NEIL2: variants seen among roughly 807,000 people sequenced by gnomAD.
NEIL2 encodes the protein endonuclease 8-like 2.
NEIL2 carries 23 observed loss-of-function variants against 22.2 expected under a neutral mutation model. That is an observed-to-expected ratio of 1.04 (90% CI 0.75 to 1.47). The LOEUF (loss-of-function observed/expected upper bound fraction) is 1.47. Ranked by LOEUF, NEIL2 falls within the 40% of genes most tolerant of loss-of-function variation. The pLI is 0.00. For missense variants in NEIL2, 583 were observed against 404.7 expected (o/e 1.44, Z -3.78); for synonymous variants, 229 against 164.8 (o/e 1.39, Z -2.99).
Position 11,783,514 on chromosome 8 carries a change from G to A in NEIL2, c.688+115G>A, listed in dbSNP as rs530091944. ...GTTGTGCCAGTGCTGTTGGTTTTGA[G>A]GTGCCACTTGCTCAATCTCCTTTCT... is the stretch of plus-strand genomic sequence containing the variant. On this transcript the variant is annotated intron_variant, in intron 4 of 4. Transcript: ENST00000284503. 158 of 824,708 alleles carry A rather than the reference G, an allele frequency of 1.9e-4. No homozygotes were observed. In the African/African-American group the frequency reaches 2.1e-3, roughly 11 times the overall value. 51.1% of individuals were successfully genotyped at this position (824,708 alleles called of 1,614,324 possible).
chr8:11,782,221 G>A (rs1044971719), intron 3 of NEIL2, among the ~76,000 whole-genome samples: 29 of 152,144 alleles, frequency 1.9e-4, no homozygotes, highest in African/African-American at 6.3e-4. Context: ...TCAGGAGTTC[G>A]AGACCAGCCT....
At chr8:11,772,078 C>T (rs907785467) in intron 2 of NEIL2, among the ~76,000 whole-genome samples, 1 of 152,148 alleles carries the variant, frequency 6.6e-6, no homozygotes, top group Non-Finnish European at 1.5e-5. Flanking sequence ...TGGTGGGCGC[C>T]TGTAATCCCA....
chr8:11,772,941 C>A lies in NEIL2; in HGVS notation c.138+1356C>A, dbSNP rs8191548. Among the ~76,000 whole-genome samples the A allele has an allele frequency of 7.2e-3, 1,091 of 152,258 alleles. 2 individuals are homozygous for A. Among genetic ancestry groups the A allele is most frequent in the Non-Finnish European group, 9.9e-3 (673 of 68,022 alleles). On this transcript the variant is annotated intron_variant, in intron 2 of 4. Coordinates refer to ENST00000284503, the MANE Select transcript of NEIL2 (RefSeq NM_145043.4). ...CCCCCACCCCCGCAACACACACACACAGAGGTTTTAAAACCGTTGTTAGTT... is the reference window on the plus strand; with the variant it reads ...CCCCCACCCCCGCAACACACACACAAAGAGGTTTTAAAACCGTTGTTAGTT...
At chr8:11,771,049 G>A (rs1336812832) in intron 1 of NEIL2, among the ~76,000 whole-genome samples, 2 of 152,106 alleles carry the variant, frequency 1.3e-5, no homozygotes, top group African/African-American at 4.8e-5. Flanking sequence ...TTTTGAGAGC[G>A]GGAGCAGGGG....
intron 2 of NEIL2, among the ~76,000 whole-genome samples, chr8:11,776,043 G>A (rs1803879851): frequency 6.6e-6 from 1 of 152,132 alleles, no homozygotes; most frequent in African/African-American, 2.4e-5. Context: ...CCCAATACCA[G>A]TTTACAGTAT....
chr8:11,786,389 C>G lies in NEIL2; in HGVS notation c.*116C>G, dbSNP rs1329818881. On this transcript the variant is annotated 3_prime_UTR_variant, in exon 5 of 5. Transcript: ENST00000284503. ...CAGAGGATAGTGTGGGTCAGAGGTG[C>G]CAGTAGTATAATATTCGTCTCCCTG... 5.1e-6 allele frequency: 5 copies of G among 986,986 alleles called. No homozygotes were observed. The highest frequency in any genetic ancestry group is 3.1e-6 in the Non-Finnish European group (2 of 635,214). 61.1% of individuals were successfully genotyped at this position (986,986 alleles called of 1,614,324 possible).
intron 4 of NEIL2, among the ~76,000 whole-genome samples, chr8:11,784,386 G>T (rs1348099696): frequency 3.3e-5 from 5 of 152,240 alleles, no homozygotes; most frequent in African/African-American, 9.6e-5. Context: ...CTGCTGTCCT[G>T]TAGGATGGTT....
chr8:11,778,527 C>A (rs770890747), intron 2 of NEIL2, among the ~76,000 whole-genome samples: 2 of 152,092 alleles, frequency 1.3e-5, no homozygotes, highest in Non-Finnish European at 2.9e-5. Context: ...ACAGGCATTT[C>A]CAGTATTAAT....
intron 3 of NEIL2, among the ~76,000 whole-genome samples, chr8:11,780,919 G>A (rs1804361823): frequency 6.6e-6 from 1 of 152,180 alleles, no homozygotes; most frequent in African/African-American, 2.4e-5. Context: ...TGCACAGAAA[G>A]TCTGTTTGTT....
chr8:11,773,486 C>G (rs1018255160), intron 2 of NEIL2, among the ~76,000 whole-genome samples: 1 of 152,078 alleles, frequency 6.6e-6, no homozygotes, highest in Non-Finnish European at 1.5e-5. Context: ...TTAAGCTATG[C>G]TAAATGGGGA....
Position 11,785,769 on chromosome 8 carries a change from A to G in NEIL2, c.689-194A>G, listed in dbSNP as rs545291830. ...ACGGGCCATGCATGAGTTTCATTTC[A>G]TCTTCACAGCAACCTTAAAGGTAGG... On this transcript the variant is annotated intron_variant, in intron 4 of 4. Transcript: ENST00000284503. Among the ~76,000 whole-genome samples the G allele has an allele frequency of 3.0e-3, 451 of 152,278 alleles. 5 individuals are homozygous for G. Among genetic ancestry groups the G allele is most frequent in the African/African-American group, 0.01 (432 of 41,562 alleles).
chr8:11,783,549 C>G, intron 4 of NEIL2, 150 bp downstream of exon 4: 2 of 715,464 alleles, frequency 2.8e-6, no homozygotes, highest in Non-Finnish European at 5.0e-6. Context: ...TTTTACTTCC[C>G]TTGTTTTTAG....
chr8:11,773,608 G>T (rs146306485), intron 2 of NEIL2, among the ~76,000 whole-genome samples: 21 of 152,292 alleles, frequency 1.4e-4, no homozygotes, highest in Middle Eastern at 3.4e-3. Flanking sequence ...AAGGCTGGAG[G>T]ATTTCAGTGG....
At position 11,783,693 on chromosome 8, in the gene NEIL2, C is replaced by G. The variant is rs374235496; in HGVS notation, c.688+294C>G. Reference sequence around the variant, plus strand: ...CCTCCTAAAGGGTGGGGTCATGTCTCCGGCACCTCTGTACCCTCCACTGCA... The same window carrying G: ...CCTCCTAAAGGGTGGGGTCATGTCTGCGGCACCTCTGTACCCTCCACTGCA... On this transcript the variant is annotated intron_variant, in intron 4 of 4. Transcript: ENST00000284503. 1.6e-4 allele frequency among the ~76,000 whole-genome samples: 25 copies of G among 152,310 alleles called. No homozygotes were observed. In the South Asian group the frequency reaches 4.6e-3, roughly 28 times the overall value.
Position 11,786,656 on chromosome 8 carries a change from T to G in NEIL2, c.*383T>G. 1 of 294,426 alleles carries G rather than the reference T, an allele frequency of 3.4e-6. No individual in the cohort carries two copies. Among genetic ancestry groups the G allele is most frequent in the Non-Finnish European group, 6.5e-6 (1 of 153,098 alleles). 18.2% of individuals were successfully genotyped at this position (294,426 alleles called of 1,614,324 possible). On this transcript the variant is annotated 3_prime_UTR_variant, in exon 5 of 5. Coordinates refer to ENST00000284503, the MANE Select transcript of NEIL2 (RefSeq NM_145043.4). ...TTTTTTTTTTTTTTGGTTGTTTGTT[T>G]TGAGAGAGAGTCTTGCTCTGTCTCC...
intron 1 of NEIL2, 116 bp from the exon 2 acceptor site, chr8:11,771,330 C>T: frequency 7.6e-7 from 1 of 1,323,628 alleles, no homozygotes; most frequent in Non-Finnish European, 1.1e-6. Context: ...GCCATGCTTG[C>T]TCTTAAAGTT....
intron 4 of NEIL2, among the ~76,000 whole-genome samples, chr8:11,784,048 C>CA (rs8191650): frequency 0.29 from 43,898 of 152,122 alleles, 7,109 homozygotes; most frequent in East Asian, 0.74. Context: ...TCTTATTACT[C>CA]ACAGTAGGGG....
chr8:11,783,722 T>C (rs891741895), intron 4 of NEIL2, among the ~76,000 whole-genome samples: 1 of 152,226 alleles, frequency 6.6e-6, no homozygotes, highest in African/African-American at 2.4e-5. Context: ...CACTGCACAG[T>C]GCAGCGCCTG....
chr8:11,783,084 T>C (rs1804576989), intron 3 of NEIL2, 119 bp from the exon 4 acceptor site: 1 of 822,418 alleles, frequency 1.2e-6, no homozygotes, highest in Admixed American at 1.8e-5. Context: ...CCACAGAGTG[T>C]GCTCTATGTT....
Sources: allele counts gnomAD v4.1 joint callset (sites outside exome capture counted in the v4.1 genomes callset), GRCh38; gene constraint gnomAD v4.1.1; transcripts MANE v1.5; gene names NCBI Gene and HGNC (gene_info 2026-07-23, HGNC 2026-07-21).